Variants in CR1L observed in about 807,000 individuals in gnomAD.
CR1L encodes complement C3b/C4b receptor 1 like.
A neutral mutation model predicts 62.3 loss-of-function variants in CR1L; 59 were observed. The ratio of observed to expected loss-of-function variants is 0.95; its 90% CI spans 0.77 to 1.18. The LOEUF (loss-of-function observed/expected upper bound fraction) is 1.18, where lower values mean the gene tolerates loss of function less well. Among genes scored for constraint, CR1L ranks in the 50% most tolerant of loss-of-function variants. The pLI, the probability that CR1L is intolerant of heterozygous loss-of-function variation, is 0.00. For synonymous variants in CR1L, 279 were observed against 248.7 expected (o/e 1.12, Z -1.15); for missense variants, 700 against 702.8 (o/e 1.00, Z 0.04).
chr1:207,660,751 A>G (rs970486238), intron 1 of CR1L, among the ~76,000 whole-genome samples: 3 of 152,170 alleles, frequency 2.0e-5, no homozygotes, highest in Non-Finnish European at 4.4e-5. Context: ...TGTCAATTTT[A>G]GATCTTTCCT....
At chr1:207,647,904 CT>C (rs975019501) in intron 1 of CR1L, among the ~76,000 whole-genome samples, 3 of 151,976 alleles carry the variant, frequency 2.0e-5, no homozygotes, top group Non-Finnish European at 4.4e-5. Flanking sequence ...AACGAAAGGA[CT>C]TTTTTTTCTT....
At position 207,670,968 on chromosome 1, in the gene CR1L, G is replaced by A. The variant is rs565205322; in HGVS notation, c.98-6421G>A. On this transcript the variant is annotated intron_variant, in intron 1 of 11. Coordinates refer to ENST00000508064, the MANE Select transcript of CR1L (RefSeq NM_175710.2). ...CAGTCCTTTGGAATTTAAAAGAAAT[G>A]TAAGAGAAAGAGCTATGCTCCCAAG... is the stretch of plus-strand genomic sequence containing the variant. Among the ~76,000 whole-genome samples, 348 of 151,208 alleles carry A rather than the reference G, an allele frequency of 2.3e-3. 9 individuals carry two copies. Among genetic ancestry groups the A allele is most frequent in the Non-Finnish European group, 3.6e-3 (243 of 68,028 alleles).
intron 1 of CR1L, among the ~76,000 whole-genome samples, chr1:207,659,610 G>T (rs1663374484): frequency 6.6e-6 from 1 of 152,226 alleles, no homozygotes; most frequent in Admixed American, 6.5e-5. Flanking sequence ...GGTGATTTCT[G>T]CATTTCCAAC....
intron 10 of CR1L, chr1:207,710,294 G>A (rs912740733): frequency 1.4e-5 from 11 of 795,876 alleles, no homozygotes; most frequent in African/African-American, 1.2e-4. Context: ...AGTGAGCCAT[G>A]ATCGTGCCAC....
Position 207,697,753 on chromosome 1 carries a change from G to T in CR1L, c.1040-18G>T. 5 of 1,613,968 alleles carry T rather than the reference G, an allele frequency of 3.1e-6. No homozygotes were observed. Among genetic ancestry groups the T allele is most frequent in the Non-Finnish European group, 4.2e-6 (5 of 1,179,880 alleles). ...CTCCACATGCCAGTTATTTCTGTTC[G>T]TTTTTCTTTTTTTCCAGTGAAATCC... On this transcript the variant is annotated intron_variant, in intron 6 of 11. Coordinates refer to ENST00000508064, the MANE Select transcript of CR1L (RefSeq NM_175710.2).
chr1:207,703,956 A>AAAAAAG (rs146144083), intron 9 of CR1L, among the ~76,000 whole-genome samples: 17,158 of 151,754 alleles, frequency 0.11, 1,311 homozygotes, highest in East Asian at 0.38. Context: ...TTCAACTCAA[A>AAAAAAG]AAAAAGAAAA....
In CR1L at chr1:207,694,442, T is replaced by C; in HGVS notation, c.553T>C (p.Tyr185His). Reference protein sequence around the residue: ...EYFHYGSVVTYHCNLGSRGKK... With the variant: ...EYFHYGSVVTHHCNLGSRGKK... ...TTTTCACTATGGATCAGTGGTGACC[T>C]ACCACTGCAATCTTGGAAGCAGAGG... The change falls in exon 5 of 12, where the codon TAC becomes CAC. Residue 185 changes from tyrosine (Y) to histidine (H), a missense_variant. Tyr to His is a moderately conservative substitution (Grantham distance 83). Coordinates refer to ENST00000508064, the MANE Select transcript of CR1L (RefSeq NM_175710.2). The C allele has an allele frequency of 2.5e-6, 4 of 1,614,034 alleles. No homozygotes were observed. The highest frequency in any genetic ancestry group is 1.1e-5 in the South Asian group (1 of 91,076).
chr1:207,677,307 CAAAAAAAAAAAAAAAAAAA>C (rs57151160), intron 1 of CR1L, 63 bp from the exon 2 acceptor site: 3 of 506,354 alleles, frequency 5.9e-6, no homozygotes, highest in African/African-American at 4.0e-5. Context: ...GACTCTGTCA[CAAAAAAAAAAAAAAAAAAA>C]AAAAAAAAAA....
At chr1:207,711,933 A>C (rs1403934806) in intron 10 of CR1L, among the ~76,000 whole-genome samples, 1 of 152,116 alleles carries the variant, frequency 6.6e-6, no homozygotes, top group Non-Finnish European at 1.5e-5. Flanking sequence ...AGAAACAAAA[A>C]TAATTTACAT....
intron 9 of CR1L, among the ~76,000 whole-genome samples, chr1:207,704,626 C>T (rs2102474842): frequency 6.6e-6 from 1 of 152,322 alleles, no homozygotes; most frequent in Non-Finnish European, 1.5e-5. Context: ...CAACCACCAC[C>T]CTGATCAGTC....
rs527508982 is a variant in CR1L at position 207,696,883 on chromosome 1, G to A, written c.863-620G>A. Among the ~76,000 whole-genome samples, 11 of 152,272 alleles carry A rather than the reference G, an allele frequency of 7.2e-5. 1 individual carries two copies. In the South Asian group the frequency reaches 1.5e-3, roughly 20 times the overall value. ...ACAGTAGGTCTTTTAGATTTTGTTC[G>A]ACAGTTGCCCACCTTCTCACTGGAG... On this transcript the variant is annotated intron_variant, in intron 5 of 11. Transcript: ENST00000508064.
intron 1 of CR1L, chr1:207,657,076 C>T (rs1290485800): frequency 4.8e-5 from 29 of 603,148 alleles, no homozygotes; most frequent in Non-Finnish European, 8.1e-5. Context: ...TTTACTAATG[C>T]TGCCTTAATC....
At chr1:207,723,421 C>CAAAA (rs370655665) in intron 11 of CR1L, among the ~76,000 whole-genome samples, 197 bp from the exon 12 acceptor site, 2 of 71,848 alleles carry the variant, frequency 2.8e-5, no homozygotes, top group East Asian at 8.9e-4. Context: ...GAGACTTTGT[C>CAAAA]AAAAAAAAAA....
rs975665045 is a variant in CR1L at position 207,677,654 on chromosome 1, G to A, written c.277+86G>A. 2.1e-6 allele frequency: 3 copies of A among 1,461,396 alleles called. No homozygotes were observed. In the African/African-American group the frequency reaches 4.2e-5, roughly 21 times the overall value. 90.5% of individuals were successfully genotyped at this position (1,461,396 alleles called of 1,614,324 possible). On this transcript the variant is annotated intron_variant, in intron 2 of 11. Coordinates refer to ENST00000508064, the MANE Select transcript of CR1L (RefSeq NM_175710.2). Reference sequence around the variant, plus strand: ...TTTGTTCAAATTTTGTAACTGAGTTGCATACAACAATTAGTTTGCTAAGGT... The same window carrying A: ...TTTGTTCAAATTTTGTAACTGAGTTACATACAACAATTAGTTTGCTAAGGT...
At chr1:207,708,413 A>G in intron 10 of CR1L, 150 bp downstream of exon 10, 2 of 1,046,254 alleles carry the variant, frequency 1.9e-6, no homozygotes, top group South Asian at 1.6e-5. Context: ...GGCTCACAGC[A>G]TTCCAAACTT....
chr1:207,686,141 T>TCCC (rs1571519928), intron 4 of CR1L, among the ~76,000 whole-genome samples: 1 of 50,666 alleles, frequency 2.0e-5, no homozygotes, highest in Non-Finnish European at 3.5e-5. Context: ...CCTCCCTTCC[T>TCCC]TCCTTCCTTC....
At chr1:207,680,984 G>C (rs982553083) in intron 3 of CR1L, among the ~76,000 whole-genome samples, 7 of 152,204 alleles carry the variant, frequency 4.6e-5, no homozygotes, top group African/African-American at 1.7e-4. Context: ...TGGAGTTGGT[G>C]TCTTCCAGGT....
chr1:207,723,507 T>C, intron 11 of CR1L, 111 bp from the exon 12 acceptor site: 1 of 860,130 alleles, frequency 1.2e-6, no homozygotes, highest in Non-Finnish European at 1.8e-6. Flanking sequence ...ATAAAAAATA[T>C]TAGTCTGAGT....
intron 1 of CR1L, chr1:207,669,580 G>A: frequency 7.0e-7 from 1 of 1,428,916 alleles, no homozygotes; most frequent in Non-Finnish European, 9.5e-7. Flanking sequence ...AACGCTGGGG[G>A]GCGTGGGGAG....
Sources: gnomAD v4.1 joint callset for allele counts (sites outside exome capture counted in the v4.1 genomes callset) on GRCh38, gnomAD v4.1.1 for gene constraint, MANE v1.5 for transcripts, NCBI Gene and HGNC (gene_info 2026-07-23, HGNC 2026-07-21) for gene names.